CAPZA1: variants seen among roughly 807,000 people sequenced by gnomAD.
CAPZA1 encodes capping actin protein of muscle Z-line subunit alpha 1.
A neutral mutation model predicts 40.8 loss-of-function variants in CAPZA1; 10 were observed. The ratio of observed to expected loss-of-function variants is 0.25; its 90% CI spans 0.15 to 0.42. The LOEUF is 0.42. Among genes scored for constraint, CAPZA1 ranks in the 10% least tolerant of loss-of-function variants. CAPZA1 has a pLI of 1.00. For synonymous variants in CAPZA1, 98 were observed against 115.0 expected, an observed-to-expected ratio of 0.85 and a Z score of 0.95; for missense variants, 277 against 353.8, an observed-to-expected ratio of 0.78 and a Z score of 1.74.
At chr1:112,642,247 C>G (rs1671185326) in intron 1 of CAPZA1, among the ~76,000 whole-genome samples, 1 of 111,756 alleles carries the variant, frequency 8.9e-6, no homozygotes, top group African/African-American at 3.4e-5. Context: ...GAATCTCACT[C>G]TTATCACCCA....
At chr1:112,650,745 T>A (rs1303389833) in intron 3 of CAPZA1, among the ~76,000 whole-genome samples, 2 of 152,232 alleles carry the variant, frequency 1.3e-5, no homozygotes, top group African/African-American at 4.8e-5. Flanking sequence ...ATGTTGAGTA[T>A]CACCTAAGTG....
rs1278585172 is a variant in CAPZA1 at position 112,637,781 on chromosome 1, CTA to C, written c.40-9428_40-9427del. On this transcript the variant is annotated intron_variant, in intron 1 of 9. Transcript: ENST00000263168. ...TGCCTGTTTTTATAGGATCTATAAACTAATGCTTTTGGAATGGTTGAAAACAA... is the reference window on the plus strand; with the variant it reads ...TGCCTGTTTTTATAGGATCTATAAACATGCTTTTGGAATGGTTGAAAACAA... Among the ~76,000 whole-genome samples, 3 of 152,088 alleles carry C rather than the reference CTA, an allele frequency of 2.0e-5. No homozygotes were observed. In the East Asian group the frequency reaches 5.8e-4, roughly 29 times the overall value.
At position 112,654,443 on chromosome 1, in the gene CAPZA1, ATGT is replaced by A; in HGVS notation, c.220-20_220-18del. The A allele has an allele frequency of 6.6e-7, 1 of 1,525,494 alleles. No homozygotes were observed. The highest frequency in any genetic ancestry group is 1.2e-5 in the South Asian group (1 of 86,580). The allele number at this position is 1,525,494 out of a possible 1,614,324, so 94.5% of individuals were successfully genotyped here. ...AATTGTCTTTTTTACAGTTACTCAT[ATGT>A]TTAATGATTCTTTGGAAGGTCTTAA... On this transcript the variant is annotated intron_variant, in intron 4 of 9. Coordinates refer to ENST00000263168, the MANE Select transcript of CAPZA1 (RefSeq NM_006135.3).
At chr1:112,659,254 GT>G in intron 6 of CAPZA1, 153 bp downstream of exon 6, 1 of 607,898 alleles carries the variant, frequency 1.6e-6, no homozygotes. Flanking sequence ...CAGTTCTAAG[GT>G]TTTATAATTA....
intron 1 of CAPZA1, among the ~76,000 whole-genome samples, chr1:112,637,982 C>T (rs573800204): frequency 2.6e-5 from 4 of 152,286 alleles, no homozygotes; most frequent in African/African-American, 9.6e-5. Context: ...GCTCTATGAT[C>T]TTGGACTTTG....
In CAPZA1 at chr1:112,653,592, A is replaced by C; in HGVS notation, c.156-6A>C. The C allele has an allele frequency of 6.4e-7, 1 of 1,553,710 alleles. No individual in the cohort carries two copies. Among genetic ancestry groups the C allele is most frequent in the Non-Finnish European group, 8.7e-7 (1 of 1,150,838 alleles). On this transcript the variant is annotated splice_region_variant and splice_polypyrimidine_tract_variant and intron_variant, in intron 3 of 9. Coordinates refer to ENST00000263168, the MANE Select transcript of CAPZA1 (RefSeq NM_006135.3). ...TTTTTTTTAAAAAACTTTTAAAAAA[A>C]AACAGTGCATTTGCCCAGTATAACA...
Position 112,659,684 on chromosome 1 carries a change from T to C in CAPZA1, c.507-17T>C. ...GCTTATTGCTAATTCTGCAATGTTG[T>C]GTGTGTGTTTTAATAGGAATGGTCG... is the stretch of plus-strand genomic sequence containing the variant. On this transcript the variant is annotated splice_polypyrimidine_tract_variant and intron_variant, in intron 6 of 9. Transcript: ENST00000263168. 1 of 1,604,602 alleles carries C rather than the reference T, an allele frequency of 6.2e-7. No homozygotes were observed. Among genetic ancestry groups the C allele is most frequent in the Non-Finnish European group, 8.5e-7 (1 of 1,172,822 alleles).
intron 7 of CAPZA1, among the ~76,000 whole-genome samples, chr1:112,661,601 C>A (rs144880912): frequency 6.6e-6 from 1 of 152,202 alleles, no homozygotes; most frequent in Non-Finnish European, 1.5e-5. Context: ...AGTAGCCTAG[C>A]GCTCTAGATC....
chr1:112,640,172 A>C (rs866539935), intron 1 of CAPZA1, among the ~76,000 whole-genome samples: 426 of 52,458 alleles, frequency 8.1e-3, no homozygotes, highest in Middle Eastern at 0.014. Context: ...CCAGCCGCCC[A>C]GTCCGGGAGG....
At chr1:112,621,936 T>A (rs930701911) in intron 1 of CAPZA1, among the ~76,000 whole-genome samples, 2 of 152,018 alleles carry the variant, frequency 1.3e-5, no homozygotes, top group African/African-American at 2.4e-5. Context: ...TAATTTTTTG[T>A]ATTTTTAGTA....
chr1:112,624,380 G>A (rs1254207242), intron 1 of CAPZA1, among the ~76,000 whole-genome samples: 3 of 151,940 alleles, frequency 2.0e-5, no homozygotes, highest in South Asian at 4.1e-4. Context: ...AGGCCAAGGC[G>A]GTCAGATCAT....
intron 4 of CAPZA1, among the ~76,000 whole-genome samples, chr1:112,654,168 A>T (rs1223414431): frequency 6.6e-6 from 1 of 152,230 alleles, no homozygotes; most frequent in African/African-American, 2.4e-5. Context: ...AAAATACAAA[A>T]GTGTACATAA....
intron 6 of CAPZA1, 123 bp from the exon 7 acceptor site, chr1:112,659,574 TTCTC>T (rs113906793): frequency 7.8e-6 from 5 of 638,304 alleles, no homozygotes; most frequent in African/African-American, 7.4e-5. Context: ...AAATGACAGT[TTCTC>T]TCTCTCTCTT....
chr1:112,663,662 T>C (rs1570726536), intron 7 of CAPZA1, among the ~76,000 whole-genome samples: 1 of 151,898 alleles, frequency 6.6e-6, no homozygotes, highest in African/African-American at 2.4e-5. Flanking sequence ...CCACCATGCC[T>C]GCCTAATTTT....
At chr1:112,624,004 T>TAA (rs1310417690) in intron 1 of CAPZA1, among the ~76,000 whole-genome samples, 1 of 20,860 alleles carries the variant, frequency 4.8e-5, no homozygotes, top group Non-Finnish European at 8.8e-5. Context: ...AGACTCCATC[T>TAA]CAAAAAAAAA....
At chr1:112,655,366 A>G (rs947720229) in intron 5 of CAPZA1, among the ~76,000 whole-genome samples, 1 of 152,084 alleles carries the variant, frequency 6.6e-6, no homozygotes, top group African/African-American at 2.4e-5. Context: ...AGTTTCAGCT[A>G]CTCAGGAGGC....
At chr1:112,633,307 A>C (rs375875628) in intron 1 of CAPZA1, among the ~76,000 whole-genome samples, 12 of 151,724 alleles carry the variant, frequency 7.9e-5, no homozygotes, top group African/African-American at 2.6e-4. Flanking sequence ...AGGCTTTTTT[A>C]GATTCTGCAT....
intron 1 of CAPZA1, among the ~76,000 whole-genome samples, chr1:112,624,235 C>CT: frequency 6.6e-6 from 1 of 151,998 alleles, no homozygotes; most frequent in Non-Finnish European, 1.5e-5. Context: ...TGTAGCCATG[C>CT]TTTTTTCACT....
At chr1:112,640,387 A>G (rs1352690224) in intron 1 of CAPZA1, among the ~76,000 whole-genome samples, 1 of 112,316 alleles carries the variant, frequency 8.9e-6, no homozygotes, top group South Asian at 3.0e-4. Context: ...CCACCCGGCC[A>G]GCCGCCCCGT....
Sources: gnomAD v4.1 joint callset for allele counts (sites outside exome capture counted in the v4.1 genomes callset) on GRCh38, gnomAD v4.1.1 for gene constraint, MANE v1.5 for transcripts, NCBI Gene and HGNC (gene_info 2026-07-23, HGNC 2026-07-21) for gene names.